The following AP3S1 variants were observed in gnomAD, a reference collection of about 807,000 sequenced individuals.
AP3S1 encodes the protein AP-3 complex subunit sigma-1.
Under a neutral mutation model 21.3 loss-of-function variants are expected in AP3S1, and 12 were observed. The observed-to-expected ratio is 0.56, with a 90% confidence interval of 0.36 to 0.91. The LOEUF is 0.91. Ranked by LOEUF, AP3S1 falls within the 40% of genes least tolerant of loss-of-function variation. The probability of loss-of-function intolerance (pLI) is 0.01; values close to 1 mark genes in which losing one functional copy is unlikely to be tolerated. For synonymous variants in AP3S1, 48 were observed against 78.4 expected (o/e 0.61, Z 2.05); for missense variants, 116 against 225.0 (o/e 0.52, Z 3.10).
At chr5:115,891,763 C>G (rs1015624894) in intron 3 of AP3S1, among the ~76,000 whole-genome samples, 3 of 152,082 alleles carry the variant, frequency 2.0e-5, no homozygotes, top group Non-Finnish European at 4.4e-5. Flanking sequence ...GCACTGTATT[C>G]CTGGAAAAGC....
intron 3 of AP3S1, among the ~76,000 whole-genome samples, chr5:115,889,478 T>A (rs1267321828): frequency 6.6e-6 from 1 of 152,198 alleles, no homozygotes; most frequent in East Asian, 1.9e-4. Flanking sequence ...ATCTCTTTCC[T>A]GACCTTGCTG....
At chr5:115,880,093 TTTC>T (rs1273243604) in intron 3 of AP3S1, among the ~76,000 whole-genome samples, 1 of 151,872 alleles carries the variant, frequency 6.6e-6, no homozygotes, top group Non-Finnish European at 1.5e-5. Context: ...TGATTACCCT[TTTC>T]TTCTTTATTA....
intron 1 of AP3S1, among the ~76,000 whole-genome samples, chr5:115,861,868 T>TTC (rs1342301291): frequency 7.0e-6 from 1 of 143,810 alleles, no homozygotes; most frequent in Non-Finnish European, 1.5e-5. Flanking sequence ...TTCTTTTCTT[T>TTC]TTTTTTTTTT....
rs190020430 is a variant in AP3S1 at position 115,857,364 on chromosome 5, C to T, written c.70-9306C>T. On this transcript the variant is annotated intron_variant, in intron 1 of 5. Transcript: ENST00000316788. The stretch of plus-strand genomic sequence containing the variant: ...GTGTATGAACTCAGTTCTCACAACA[C>T]CACCATGAGGTAGATATTGTTGCAT... Among the ~76,000 whole-genome samples the T allele has an allele frequency of 3.3e-4, 51 of 152,264 alleles. No individual in the cohort carries two copies. In the East Asian group the frequency reaches 8.3e-3, roughly 25 times the overall value.
intron 1 of AP3S1, among the ~76,000 whole-genome samples, chr5:115,850,740 A>G (rs559119297): frequency 9.9e-5 from 15 of 152,244 alleles, no homozygotes; most frequent in Non-Finnish European, 1.8e-4. Context: ...GTGTGTACAT[A>G]CCATCGACCT....
At chr5:115,845,454 A>G (rs1458304339) in intron 1 of AP3S1, among the ~76,000 whole-genome samples, 2 of 152,170 alleles carry the variant, frequency 1.3e-5, no homozygotes, top group Admixed American at 1.3e-4. Context: ...TGTGGCTCCA[A>G]GCTGTTATAT....
intron 3 of AP3S1, among the ~76,000 whole-genome samples, chr5:115,888,001 A>G (rs553401829): frequency 4.1e-4 from 62 of 152,094 alleles, no homozygotes; most frequent in Non-Finnish European, 7.2e-4. Context: ...TTTTTTGAAT[A>G]CTAGGTAATT....
chr5:115,902,015 G>T (rs912971055), intron 4 of AP3S1, among the ~76,000 whole-genome samples: 1 of 152,044 alleles, frequency 6.6e-6, no homozygotes, highest in Non-Finnish European at 1.5e-5. Context: ...ATCCTATGAG[G>T]TGCCTATATT....
chr5:115,858,834 T>C (rs922442323), intron 1 of AP3S1, among the ~76,000 whole-genome samples: 3 of 150,636 alleles, frequency 2.0e-5, no homozygotes. Flanking sequence ...ACTTCTCTTA[T>C]ATTAATGATA....
At chr5:115,866,073 G>A (rs1401243415) in intron 1 of AP3S1, among the ~76,000 whole-genome samples, 2 of 152,192 alleles carry the variant, frequency 1.3e-5, no homozygotes, top group Non-Finnish European at 2.9e-5. Context: ...TGGGATTACA[G>A]GCATGAGCCA....
chr5:115,863,249 T>G (rs1763335241), intron 1 of AP3S1, among the ~76,000 whole-genome samples: 1 of 151,946 alleles, frequency 6.6e-6, no homozygotes, highest in Non-Finnish European at 1.5e-5. Context: ...ATACAAAAAT[T>G]AGCTGGGCAT....
intron 1 of AP3S1, among the ~76,000 whole-genome samples, chr5:115,858,590 G>T (rs904974504): frequency 6.6e-6 from 1 of 151,798 alleles, no homozygotes; most frequent in Non-Finnish European, 1.5e-5. Flanking sequence ...TTCTGTTCTC[G>T]AGTCTCCTTT....
intron 3 of AP3S1, among the ~76,000 whole-genome samples, chr5:115,877,993 G>A (rs762648623): frequency 2.0e-5 from 3 of 152,152 alleles, no homozygotes; most frequent in Non-Finnish European, 2.9e-5. Flanking sequence ...CTGCATAAAT[G>A]TCTTCTTTTG....
intron 1 of AP3S1, among the ~76,000 whole-genome samples, chr5:115,850,709 C>T (rs891339556): frequency 2.0e-5 from 3 of 152,038 alleles, no homozygotes; most frequent in Admixed American, 1.3e-4. Context: ...ATTTTTAAGG[C>T]GGAATAATAT....
chr5:115,894,422 G>C (rs989060001), intron 3 of AP3S1, among the ~76,000 whole-genome samples: 1 of 152,144 alleles, frequency 6.6e-6, no homozygotes, highest in African/African-American at 2.4e-5. Flanking sequence ...AAGACCTCCA[G>C]CATACAAAAA....
At chr5:115,844,397 G>C (rs1365367794) in intron 1 of AP3S1, among the ~76,000 whole-genome samples, 1 of 152,198 alleles carries the variant, frequency 6.6e-6, no homozygotes, top group East Asian at 1.9e-4. Context: ...TAGAGAGTGA[G>C]AGGATGACAG....
chr5:115,912,896 A>C (rs1017613093), intron 5 of AP3S1, among the ~76,000 whole-genome samples: 3 of 152,132 alleles, frequency 2.0e-5, no homozygotes, highest in African/African-American at 7.2e-5. Context: ...TATCCCTAAG[A>C]AATTAAACAA....
rs1348726274 is a variant in AP3S1 at position 115,845,986 on chromosome 5, T to TA, written c.69+3881dup. 1.2e-3 allele frequency among the ~76,000 whole-genome samples: 190 copies of TA among 152,180 alleles called. 2 individuals carry two copies. The highest frequency in any genetic ancestry group is 0.012 in the Admixed American group (188 of 15,284). Reference sequence around the variant, plus strand: ...TGGTTTGTCTTTTTAAGTTGATACTTAGCTTCAGCGACTTGACAACAGTAA... The same window carrying TA: ...TGGTTTGTCTTTTTAAGTTGATACTTAAGCTTCAGCGACTTGACAACAGTAA... On this transcript the variant is annotated intron_variant, in intron 1 of 5. Coordinates refer to ENST00000316788, the MANE Select transcript of AP3S1 (RefSeq NM_001284.4).
At chr5:115,863,820 A>G (rs189659228) in intron 1 of AP3S1, among the ~76,000 whole-genome samples, 11 of 152,342 alleles carry the variant, frequency 7.2e-5, no homozygotes, top group African/African-American at 2.2e-4. Context: ...TAATGCCAGC[A>G]AAGGATGGTT....
Sources: allele counts gnomAD v4.1 joint callset (sites outside exome capture counted in the v4.1 genomes callset), GRCh38; gene constraint gnomAD v4.1.1; transcripts MANE v1.5; gene names NCBI Gene and HGNC (gene_info 2026-07-23, HGNC 2026-07-21).